LRRC75A: variants seen among roughly 807,000 people sequenced by gnomAD.
The protein encoded by LRRC75A is leucine rich repeat containing 75A.
Under a neutral mutation model 26.0 loss-of-function variants are expected in LRRC75A, and 12 were observed. That is an observed-to-expected ratio of 0.46 (90% confidence interval 0.30 to 0.75). The LOEUF (loss-of-function observed/expected upper bound fraction) is 0.75, where lower values mean the gene tolerates loss of function less well. LRRC75A is among the 30% of genes least tolerant of loss of function. The pLI, the probability that LRRC75A is intolerant of heterozygous loss-of-function variation, is 0.08. For synonymous variants in LRRC75A, 223 were observed against 219.3 expected, an observed-to-expected ratio of 1.02 and a Z score of -0.15; for missense variants, 410 against 486.6, an observed-to-expected ratio of 0.84 and a Z score of 1.48.
chr17:16,453,642 T>C (rs943408000), intron 2 of LRRC75A, among the ~76,000 whole-genome samples: 1 of 152,156 alleles, frequency 6.6e-6, no homozygotes, highest in Non-Finnish European at 1.5e-5. Flanking sequence ...CTGCGATGCA[T>C]TGGGCATCTC....
chr17:16,444,219 C>T (rs1009817088), intron 3 of LRRC75A, 88 bp from the exon 4 acceptor site: 45 of 1,129,260 alleles, frequency 4.0e-5, no homozygotes, highest in Admixed American at 3.0e-4. Flanking sequence ...CTCGGCTCTC[C>T]GACGCTAGGG....
At position 16,492,172 on chromosome 17, in the gene LRRC75A, T is replaced by A; in HGVS notation, c.-182A>T. On this transcript the variant is annotated 5_prime_UTR_variant, in exon 1 of 4. Coordinates refer to ENST00000470794, the MANE Select transcript of LRRC75A (RefSeq NM_001113567.3). ...TGTCGGCGCTCCCCGCGCTCCTCCC[T>A]CTTGGCTACCCGGGCGCGCTCCCCG... is the stretch of plus-strand genomic sequence containing the variant. 4 of 327,214 alleles carry A rather than the reference T, an allele frequency of 1.2e-5. No homozygotes were observed. The highest frequency in any genetic ancestry group is 1.7e-5 in the Non-Finnish European group (4 of 231,690). 20.3% of individuals were successfully genotyped at this position (327,214 alleles called of 1,614,324 possible).
In LRRC75A at chr17:16,491,027, G is replaced by A. The variant is rs2093856056; in HGVS notation, c.246+718C>T. Among the ~76,000 whole-genome samples the A allele has an allele frequency of 1.3e-5, 2 of 152,238 alleles. No individual in the cohort carries two copies. Among genetic ancestry groups the A allele is most frequent in the South Asian group, 2.1e-4 (1 of 4,830 alleles). ...AAAGCAGAGGGAACTGGCCAATTCCGCAACATCTGTCCCTAGCCAGTGGGA... is the reference window on the plus strand; with the variant it reads ...AAAGCAGAGGGAACTGGCCAATTCCACAACATCTGTCCCTAGCCAGTGGGA... On this transcript the variant is annotated intron_variant, in intron 1 of 3. Transcript: ENST00000470794. This position sits in a 1 kb window ranked among gnomAD's most constrained non-coding sequence, Gnocchi z 5.9.
At chr17:16,485,681 T>TGTGTGTGTGTGTGC (rs748088509) in intron 1 of LRRC75A, among the ~76,000 whole-genome samples, 6 of 135,434 alleles carry the variant, frequency 4.4e-5, no homozygotes, top group Admixed American at 7.1e-5. Flanking sequence ...CGTGTGTGTG[T>TGTGTGTGTGTGTGC]GTGTGTGTGT....
At chr17:16,474,792 G>A (rs1368698316) in intron 1 of LRRC75A, among the ~76,000 whole-genome samples, 2 of 151,866 alleles carry the variant, frequency 1.3e-5, no homozygotes, top group Non-Finnish European at 2.9e-5. Flanking sequence ...CAGGAGATGA[G>A]ACCATCCTGG....
intron 2 of LRRC75A, 182 bp from the exon 3 acceptor site, chr17:16,448,142 G>A: frequency 3.2e-6 from 2 of 627,710 alleles, no homozygotes; most frequent in Non-Finnish European, 5.8e-6. Context: ...AGATCTGCAG[G>A]ATGGTTTTAG....
intron 1 of LRRC75A, among the ~76,000 whole-genome samples, chr17:16,486,125 C>A (rs1346818876): frequency 6.6e-6 from 1 of 152,118 alleles, no homozygotes; most frequent in East Asian, 1.9e-4. Context: ...AGACTGTGTG[C>A]CAGTTTTTAT....
At position 16,444,022 on chromosome 17, in the gene LRRC75A, C is replaced by T. The variant is rs892766663; in HGVS notation, c.601G>A (p.Gly201Arg). The change falls in exon 4 of 4, where the codon GGG becomes AGG. Residue 201 changes from glycine (G) to arginine (R), a missense_variant. Physicochemically the swap from Gly to Arg is moderately radical, Grantham distance 125. Coordinates refer to ENST00000470794, the MANE Select transcript of LRRC75A (RefSeq NM_001113567.3). ...AGCTCCACGCTGTCTACCTGCTCCC[C>T]ACAGCGCTGTAGGTAGCTGGTCACC... ...ERVTSYLQRC[G>R]EQVDSVELGF... is the part of the protein sequence containing the mutation. The T allele has an allele frequency of 9.9e-6, 16 of 1,613,756 alleles. No homozygotes were observed. Among genetic ancestry groups the T allele is most frequent in the Middle Eastern group, 1.6e-4 (1 of 6,076 alleles).
chr17:16,444,950 G>A (rs2093569036), intron 3 of LRRC75A, among the ~76,000 whole-genome samples: 2 of 150,666 alleles, frequency 1.3e-5, no homozygotes, highest in South Asian at 4.2e-4. Flanking sequence ...CCGGGCTCAA[G>A]TGATTCTCCT....
intron 1 of LRRC75A, chr17:16,463,741 C>CCTTCCATATAT (rs2093745959): frequency 6.6e-6 from 1 of 152,280 alleles, no homozygotes; most frequent in African/African-American, 2.4e-5. Context: ...GGCACGCAGG[C>CCTTCCATATAT]TGGACATCAT....
At position 16,457,608 on chromosome 17, in the gene LRRC75A, G is replaced by A. The variant is rs138231941; in HGVS notation, c.375+4650C>T. Among the ~76,000 whole-genome samples the A allele has an allele frequency of 3.0e-3, 456 of 152,266 alleles. 1 individual carries two copies. The highest frequency in any genetic ancestry group is 0.011 in the African/African-American group (442 of 41,560). On this transcript the variant is annotated intron_variant, in intron 2 of 3. Transcript: ENST00000470794. ...ACATTGTAGCAGGGCTGGTCTAAGT[G>A]AGCAACAGAATCATTAGAACCAATA...
At chr17:16,476,395 G>C (rs2093819750) in intron 1 of LRRC75A, among the ~76,000 whole-genome samples, 1 of 150,426 alleles carries the variant, frequency 6.6e-6, no homozygotes. Context: ...TTTTTTTGTA[G>C]AAATGGAGTC....
chr17:16,464,300 G>A (rs1444392836), intron 1 of LRRC75A, among the ~76,000 whole-genome samples: 1 of 152,214 alleles, frequency 6.6e-6, no homozygotes, highest in Non-Finnish European at 1.5e-5. Context: ...CTGAAGCACT[G>A]GCTGGTACAG....
At chr17:16,453,327 C>CAT (rs2093650387) in intron 2 of LRRC75A, among the ~76,000 whole-genome samples, 1 of 137,130 alleles carries the variant, frequency 7.3e-6, no homozygotes, top group Admixed American at 7.1e-5. Context: ...CACGCACACA[C>CAT]GCACACGCAC....
At chr17:16,468,709 T>C (rs1350214376) in intron 1 of LRRC75A, among the ~76,000 whole-genome samples, 1 of 152,222 alleles carries the variant, frequency 6.6e-6, no homozygotes, top group Non-Finnish European at 1.5e-5. Context: ...GTAAATTTTA[T>C]GTTATGTGTA....
intron 2 of LRRC75A, among the ~76,000 whole-genome samples, chr17:16,453,726 G>A (rs2093654320): frequency 6.6e-6 from 1 of 152,154 alleles, no homozygotes; most frequent in Non-Finnish European, 1.5e-5. Context: ...GGCCAGCAGA[G>A]AGCTTTGAAC....
Position 16,447,836 on chromosome 17 carries a change from G to C in LRRC75A, c.491+9C>G. 2.0e-6 allele frequency: 3 copies of C among 1,531,062 alleles called. No individual in the cohort carries two copies. Among genetic ancestry groups the C allele is most frequent in the Non-Finnish European group, 8.8e-7 (1 of 1,134,082 alleles). The allele number at this position is 1,531,062 out of a possible 1,614,324, so 94.8% of individuals were successfully genotyped here. A position where few individuals can be genotyped will look rare whatever the true frequency, so the allele number is the denominator to read the frequency against. ...CTGGCATAGACCTGCCCGGGGGAGT[G>C]TAACTCACCAGGCCTGTGGCTTCCT... is the stretch of plus-strand genomic sequence containing the variant. On this transcript the variant is annotated intron_variant, in intron 3 of 3. Transcript: ENST00000470794.
At chr17:16,467,714 C>T (rs111927053) in intron 1 of LRRC75A, among the ~76,000 whole-genome samples, 30 of 152,316 alleles carry the variant, frequency 2.0e-4, no homozygotes, top group African/African-American at 6.5e-4. Context: ...GCTTGTTCGG[C>T]CCTGGCGCCT....
chr17:16,458,941 T>C (rs1280323311), intron 2 of LRRC75A, among the ~76,000 whole-genome samples: 1 of 152,230 alleles, frequency 6.6e-6, no homozygotes, highest in Non-Finnish European at 1.5e-5. Flanking sequence ...GTTTGCTATA[T>C]GGCAATGGAT....
Sources: allele counts gnomAD v4.1 joint callset (sites outside exome capture counted in the v4.1 genomes callset), GRCh38; gene constraint gnomAD v4.1.1; non-coding constraint Gnocchi (gnomAD v3.1); transcripts MANE v1.5; gene names NCBI Gene and HGNC (gene_info 2026-07-23, HGNC 2026-07-21).